The following NRG3 variants were observed in gnomAD, a reference collection of about 807,000 sequenced individuals.
NRG3 encodes the protein pro-neuregulin-3, membrane-bound isoform.
A neutral mutation model predicts 66.9 loss-of-function variants in NRG3; 31 were observed. That is an observed-to-expected ratio of 0.46 (90% CI 0.35 to 0.63). The LOEUF (loss-of-function observed/expected upper bound fraction) is 0.63, where lower values mean the gene tolerates loss of function less well. NRG3 is among the 20% of genes least tolerant of loss of function. NRG3 has a pLI of 0.00. For missense variants in NRG3, 910 were observed against 878.9 expected (o/e 1.04, Z -0.45); for synonymous variants, 393 against 359.4 (o/e 1.09, Z -1.06).
At chr10:82,236,932 G>A (rs113510361) in intron 1 of NRG3, among the ~76,000 whole-genome samples, 25,738 of 151,820 alleles carry the variant, frequency 0.17, 3,580 homozygotes, top group African/African-American at 0.37. Flanking sequence ...AGCCAGGATG[G>A]TCTCGATCTC....
At chr10:82,455,622 T>A (rs2136643174) in intron 2 of NRG3, among the ~76,000 whole-genome samples, 1 of 151,616 alleles carries the variant, frequency 6.6e-6, no homozygotes, top group South Asian at 2.1e-4. Context: ...AACTTTTTTT[T>A]TTTTTTTTTT....
At chr10:82,292,362 G>A (rs2079797432) in intron 1 of NRG3, among the ~76,000 whole-genome samples, 1 of 152,018 alleles carries the variant, frequency 6.6e-6, no homozygotes, top group African/African-American at 2.4e-5. Context: ...AGAGAAACTG[G>A]ACCTCTGAAA....
intron 3 of NRG3, among the ~76,000 whole-genome samples, chr10:82,843,959 G>A (rs1031357549): frequency 5.3e-5 from 8 of 152,044 alleles, no homozygotes; most frequent in African/African-American, 1.9e-4. Context: ...ATTTATAAGA[G>A]TTTGTTGCAA....
rs183907629 is a variant in NRG3 at position 82,915,689 on chromosome 10, C to T, written c.1055-35780C>T. Among the ~76,000 whole-genome samples, 19 of 152,044 alleles carry T rather than the reference C, an allele frequency of 1.2e-4. 1 individual carries two copies. The East Asian group carries it at 3.3e-3, about 26-fold the overall frequency. ...GTGAGATTTTGGCTAATCTGATAGACCCATATGTAAATGTGCTGTACAAAA... is the reference window on the plus strand; with the variant it reads ...GTGAGATTTTGGCTAATCTGATAGATCCATATGTAAATGTGCTGTACAAAA... On this transcript the variant is annotated intron_variant, in intron 4 of 8. Coordinates refer to ENST00000372141, the MANE Select transcript of NRG3 (RefSeq NM_001010848.4).
intron 2 of NRG3, among the ~76,000 whole-genome samples, chr10:82,505,405 A>C (rs1444293751): frequency 6.6e-6 from 1 of 152,358 alleles, no homozygotes; most frequent in South Asian, 2.1e-4. Context: ...ATTGAGAAGT[A>C]TTTCAGTGTT....
chr10:82,681,786 T>C (rs1486119285), intron 2 of NRG3, among the ~76,000 whole-genome samples: 2 of 152,220 alleles, frequency 1.3e-5, no homozygotes, highest in Non-Finnish European at 2.9e-5. Flanking sequence ...CTACAACACT[T>C]CCTGCTCTGT....
At chr10:82,865,082 AG>A (rs1425941153) in intron 3 of NRG3, among the ~76,000 whole-genome samples, 3 of 152,196 alleles carry the variant, frequency 2.0e-5, no homozygotes, top group African/African-American at 4.8e-5. Flanking sequence ...AAAGAATATT[AG>A]TGCCAGATGT....
chr10:82,272,938 T>G (rs2078672382), intron 1 of NRG3, among the ~76,000 whole-genome samples: 2 of 152,086 alleles, frequency 1.3e-5, no homozygotes, highest in Non-Finnish European at 2.9e-5. Context: ...GTTCCAGTTC[T>G]TGGGGAGAGC....
At chr10:82,133,929 A>AT (rs1192022949) in intron 1 of NRG3, among the ~76,000 whole-genome samples, 1 of 151,982 alleles carries the variant, frequency 6.6e-6, no homozygotes, top group Non-Finnish European at 1.5e-5. Context: ...AGCATATGTT[A>AT]TTTTTTGGCT....
At chr10:82,181,817 G>A (rs906944825) in intron 1 of NRG3, among the ~76,000 whole-genome samples, 69 of 151,674 alleles carry the variant, frequency 4.5e-4, no homozygotes, top group African/African-American at 1.5e-3. Flanking sequence ...TTGATCTTCT[G>A]TCTGAATGTT....
chr10:82,719,890 T>C (rs941304382), intron 2 of NRG3, among the ~76,000 whole-genome samples: 1 of 152,212 alleles, frequency 6.6e-6, no homozygotes, highest in Non-Finnish European at 1.5e-5. Flanking sequence ...ATATTTAATA[T>C]TGAGTGAGCA....
At chr10:82,401,188 C>T (rs915598604) in intron 2 of NRG3, among the ~76,000 whole-genome samples, 5 of 152,136 alleles carry the variant, frequency 3.3e-5, no homozygotes, top group Admixed American at 6.6e-5. Context: ...ACCTAGAAGA[C>T]TGAAGAAGAT....
At chr10:82,434,396 A>G (rs1306516094) in intron 2 of NRG3, among the ~76,000 whole-genome samples, 2 of 152,144 alleles carry the variant, frequency 1.3e-5, no homozygotes, top group Non-Finnish European at 2.9e-5. Context: ...GTCCGCAAAC[A>G]GGGACAACTT....
At chr10:82,659,401 T>C (rs1416418612) in intron 2 of NRG3, among the ~76,000 whole-genome samples, 3 of 152,328 alleles carry the variant, frequency 2.0e-5, no homozygotes, top group African/African-American at 7.2e-5. Context: ...CTCACGCCTG[T>C]AATTCCAGCA....
intron 1 of NRG3, among the ~76,000 whole-genome samples, chr10:81,975,742 A>T (rs1455023066): frequency 5.9e-5 from 9 of 152,180 alleles, no homozygotes; most frequent in Admixed American, 5.9e-4. Flanking sequence ...ATGTTATGTT[A>T]CATGTCAAGG....
intron 2 of NRG3, among the ~76,000 whole-genome samples, chr10:82,731,995 T>A (rs2057932603): frequency 3.3e-5 from 5 of 152,210 alleles, no homozygotes; most frequent in Admixed American, 3.3e-4. Context: ...ACAGTAGACA[T>A]TAAGTGTTCT....
chr10:82,078,106 A>T (rs2065189485), intron 1 of NRG3, among the ~76,000 whole-genome samples: 1 of 152,170 alleles, frequency 6.6e-6, no homozygotes, highest in Non-Finnish European at 1.5e-5. Context: ...TACAAAAAAA[A>T]AGTTGAAAAT....
At chr10:82,519,196 C>T (rs867135679) in intron 2 of NRG3, among the ~76,000 whole-genome samples, 4 of 152,100 alleles carry the variant, frequency 2.6e-5, no homozygotes, top group African/African-American at 2.4e-5. Context: ...CTTGATTGTC[C>T]GGAGTACTTC....
At chr10:82,015,205 T>C (rs1290252973) in intron 1 of NRG3, among the ~76,000 whole-genome samples, 2 of 152,146 alleles carry the variant, frequency 1.3e-5, no homozygotes, top group Non-Finnish European at 2.9e-5. Flanking sequence ...ACTTGGGTTC[T>C]CTAAAAAAGA....
Sources: allele counts gnomAD v4.1 joint callset (sites outside exome capture counted in the v4.1 genomes callset), GRCh38; gene constraint gnomAD v4.1.1; transcripts MANE v1.5; gene names NCBI Gene and HGNC (gene_info 2026-07-23, HGNC 2026-07-21).